PCDHGB2: variants seen among roughly 807,000 people sequenced by gnomAD.
PCDHGB2 encodes the protein protocadherin gamma-B2.
A neutral mutation model predicts 59.3 loss-of-function variants in PCDHGB2; 55 were observed. That is an observed-to-expected ratio of 0.93 (90% CI 0.75 to 1.16). The LOEUF (loss-of-function observed/expected upper bound fraction) is 1.16, where lower values mean the gene tolerates loss of function less well. PCDHGB2 is among the 50% of genes most tolerant of loss of function. The pLI is 0.00. For synonymous variants in PCDHGB2, 516 were observed against 512.0 expected (o/e 1.01, Z -0.11); for missense variants, 1,228 against 1,198.5 (o/e 1.02, Z -0.36).
intron 1 of PCDHGB2, chr5:141,376,739 T>C (rs1773315413): frequency 8.0e-6 from 4 of 502,200 alleles, no homozygotes; most frequent in Non-Finnish European, 1.4e-5. Flanking sequence ...GACTGCGGAC[T>C]GCAGTGGCGC....
At position 141,360,050 on chromosome 5, in the gene PCDHGB2, A is replaced by G. The variant is rs1185756542; in HGVS notation, c.-86A>G. ...TATAGATTCGGAAACAGAAAACAAA[A>G]GCAGGAAAAGTGACCTTAGCCCGGA... is the stretch of plus-strand genomic sequence containing the variant. On this transcript the variant is annotated 5_prime_UTR_variant, in exon 1 of 4. Transcript: ENST00000522605. 40 of 1,435,476 alleles carry G rather than the reference A, an allele frequency of 2.8e-5. No individual in the cohort carries two copies. The highest frequency in any genetic ancestry group is 3.5e-5 in the Non-Finnish European group (38 of 1,086,508). The allele number at this position is 1,435,476 out of a possible 1,614,324, so 88.9% of individuals were successfully genotyped here.
intron 1 of PCDHGB2, chr5:141,385,616 A>G: frequency 1.8e-6 from 2 of 1,098,642 alleles, no homozygotes; most frequent in Non-Finnish European, 2.3e-6. Context: ...TATATTTTAT[A>G]CATTGGAATG....
intron 1 of PCDHGB2, among the ~76,000 whole-genome samples, chr5:141,474,684 T>A (rs1302389621): frequency 6.6e-6 from 1 of 152,246 alleles, no homozygotes; most frequent in Non-Finnish European, 1.5e-5. Context: ...TGCCTACCCC[T>A]TCACTTATGT....
intron 1 of PCDHGB2, chr5:141,390,025 G>GA (rs2092024046): frequency 1.2e-6 from 2 of 1,613,882 alleles, no homozygotes; most frequent in Non-Finnish European, 1.7e-6. Context: ...TTGCGCCTGC[G>GA]ACGCTCCTCC....
intron 1 of PCDHGB2, chr5:141,370,293 C>A: frequency 9.3e-7 from 1 of 1,074,278 alleles, no homozygotes; most frequent in Non-Finnish European, 1.3e-6. Flanking sequence ...AGAACCCAAG[C>A]ACAAAGACAA....
chr5:141,422,052 CG>C (rs1282698929), intron 1 of PCDHGB2: 1 of 1,611,298 alleles, frequency 6.2e-7, no homozygotes, highest in South Asian at 1.1e-5. Context: ...AGGGAATCAA[CG>C]GGGAAGTAAT....
chr5:141,509,115 G>C (rs1480955058), intron 3 of PCDHGB2, among the ~76,000 whole-genome samples: 1 of 152,186 alleles, frequency 6.6e-6, no homozygotes, highest in Non-Finnish European at 1.5e-5. Flanking sequence ...GAGCGCTGGT[G>C]CGTGAAGAGA....
intron 1 of PCDHGB2, chr5:141,427,874 G>A: frequency 1.3e-6 from 2 of 1,560,274 alleles, no homozygotes; most frequent in South Asian, 2.2e-5. Flanking sequence ...AGCTCACGAT[G>A]CAGGCCCACG....
At chr5:141,427,550 C>T (rs1310933864) in intron 1 of PCDHGB2, 1 of 643,730 alleles carries the variant, frequency 1.6e-6, no homozygotes, top group East Asian at 3.2e-5. Context: ...CCATCACTGC[C>T]ACTGACAAGG....
In PCDHGB2 at chr5:141,476,857, C is replaced by G. The variant is rs201408987; in HGVS notation, c.2422-17950C>G. The G allele has an allele frequency of 3.1e-6, 5 of 1,613,886 alleles. No individual in the cohort carries two copies. Among genetic ancestry groups the G allele is most frequent in the Non-Finnish European group, 4.2e-6 (5 of 1,180,046 alleles). On this transcript the variant is annotated intron_variant, in intron 1 of 3. Coordinates refer to ENST00000522605, the MANE Select transcript of PCDHGB2 (RefSeq NM_018923.3). This position sits in a 1 kb window ranked among gnomAD's most constrained non-coding sequence, Gnocchi z 7.6. Reference sequence around the variant, plus strand: ...ACAATGCGCCTGTCTTCAACCAGTCCTTGTACCGGGCGCGCGTCCTGGAGG... The same window carrying G: ...ACAATGCGCCTGTCTTCAACCAGTCGTTGTACCGGGCGCGCGTCCTGGAGG...
chr5:141,407,847 T>C (rs1236964962), intron 1 of PCDHGB2, among the ~76,000 whole-genome samples: 2 of 152,224 alleles, frequency 1.3e-5, no homozygotes, highest in African/African-American at 4.8e-5. Context: ...TTGAGGGGGA[T>C]GTACACCTGC....
Position 141,512,160 on chromosome 5 carries a change from G to A in PCDHGB2, c.*987G>A, listed in dbSNP as rs1227447365. On this transcript the variant is annotated 3_prime_UTR_variant, in exon 4 of 4. Coordinates refer to ENST00000522605, the MANE Select transcript of PCDHGB2 (RefSeq NM_018923.3). ...CAGCCAGCTTTGGGCTGAGCTAACA[G>A]GACCAATGGATTAAACTGGCATTTC... 1 of 152,730 alleles carries A rather than the reference G, an allele frequency of 6.5e-6. No individual in the cohort carries two copies. Among genetic ancestry groups the A allele is most frequent in the African/African-American group, 2.4e-5 (1 of 41,456 alleles). The allele number at this position is 152,730 out of a possible 1,614,324, so 9.5% of individuals were successfully genotyped here.
chr5:141,398,908 G>A, intron 1 of PCDHGB2: 2 of 1,613,978 alleles, frequency 1.2e-6, no homozygotes, highest in East Asian at 2.2e-5. Flanking sequence ...AGGCACCACT[G>A]TGTTGCAAGT....
chr5:141,388,278 A>G (rs769879098), intron 1 of PCDHGB2: 3 of 1,613,502 alleles, frequency 1.9e-6, no homozygotes, highest in East Asian at 2.2e-5. Context: ...CCACACGCCA[A>G]AATTCACGCA....
intron 1 of PCDHGB2, chr5:141,478,227 G>A: frequency 6.2e-7 from 1 of 1,614,104 alleles, no homozygotes; most frequent in Non-Finnish European, 8.5e-7. Context: ...GTTTCTGTGG[G>A]GTTTGTGGTC....
chr5:141,360,212 C>T lies in PCDHGB2; in HGVS notation c.77C>T (p.Pro26Leu). The T allele has an allele frequency of 1.2e-6, 2 of 1,612,898 alleles. No homozygotes were observed. The highest frequency in any genetic ancestry group is 1.7e-6 in the Non-Finnish European group (2 of 1,179,434). Residue 26 changes from proline to leucine, a missense_variant, in exon 1 of 4, where the codon CCC becomes CTC. By Grantham distance (98) the Pro-to-Leu change is moderately conservative (BLOSUM62 -3). Coordinates refer to ENST00000522605, the MANE Select transcript of PCDHGB2 (RefSeq NM_018923.3). ...VLLPFLLSLF[P>L]GALPVQIRYS... is the part of the protein sequence containing the mutation. ...TTGCCCTTCCTGTTGTCTTTGTTCC[C>T]CGGGGCTCTCCCAGTCCAGATCCGC...
chr5:141,366,906 C>A, intron 1 of PCDHGB2: 1 of 1,142,114 alleles, frequency 8.8e-7, no homozygotes, highest in South Asian at 1.7e-5. Context: ...ATGCTTTCTC[C>A]ATTTGTTTTC....
chr5:141,404,680 G>A (rs2094553624), intron 1 of PCDHGB2: 2 of 1,614,042 alleles, frequency 1.2e-6, no homozygotes, highest in Non-Finnish European at 1.7e-6. Context: ...CTGGTGTGGA[G>A]CTGGCACCCC....
At chr5:141,415,683 G>C in intron 1 of PCDHGB2, 1 of 1,517,194 alleles carries the variant, frequency 6.6e-7, no homozygotes, top group African/African-American at 1.4e-5. Flanking sequence ...TTTGCGGCAT[G>C]ATGGTGGAAA....
Sources: allele counts gnomAD v4.1 joint callset (sites outside exome capture counted in the v4.1 genomes callset), GRCh38; gene constraint gnomAD v4.1.1; non-coding constraint Gnocchi (gnomAD v3.1); transcripts MANE v1.5; gene names NCBI Gene and HGNC (gene_info 2026-07-23, HGNC 2026-07-21).